The following PAM variants were observed in gnomAD, a reference collection of about 807,000 sequenced individuals.
The protein encoded by PAM is peptidylglycine alpha-amidating monooxygenase.
A neutral mutation model predicts 122.1 loss-of-function variants in PAM; 72 were observed. That is an observed-to-expected ratio of 0.59 (90% CI 0.49 to 0.72). The LOEUF is 0.72. Ranked by LOEUF, PAM falls within the 30% of genes least tolerant of loss-of-function variation. PAM has a pLI of 0.00. For synonymous variants in PAM, 389 were observed against 404.4 expected (o/e 0.96, Z 0.46); for missense variants, 1,106 against 1,183.7 (o/e 0.93, Z 0.96).
At chr5:102,988,193 C>CA (rs1562148973) in intron 15 of PAM, among the ~76,000 whole-genome samples, 1 of 152,160 alleles carries the variant, frequency 6.6e-6, no homozygotes, top group Non-Finnish European at 1.5e-5. Context: ...CAATTATAAA[C>CA]ATCCTCACTT....
intron 15 of PAM, among the ~76,000 whole-genome samples, chr5:102,986,286 T>G (rs2150697207): frequency 6.6e-6 from 1 of 152,174 alleles, no homozygotes; most frequent in Non-Finnish European, 1.5e-5. Flanking sequence ...AAAGAGGAAG[T>G]CAGATTAGTC....
rs931166294 is a variant in PAM, at chr5:102,864,189, T to A, written c.-373-1634T>A. On this transcript the variant is annotated intron_variant, in intron 1 of 25. Transcript: ENST00000438793. The stretch of plus-strand genomic sequence containing the variant: ...ATATATATATATATATATATATTTT[T>A]TTTTTTTTTAAAGAACTTCAGGGAA... Among the ~76,000 whole-genome samples, 225 of 145,588 alleles carry A rather than the reference T, an allele frequency of 1.5e-3. 2 individuals carry two copies. The highest frequency in any genetic ancestry group is 4.6e-3 in the African/African-American group (187 of 40,470).
At chr5:103,025,064 G>C in intron 23 of PAM, 67 bp from the exon 24 acceptor site, 1 of 1,061,790 alleles carries the variant, frequency 9.4e-7, no homozygotes, top group Non-Finnish European at 1.4e-6. Context: ...TGACTGGGTA[G>C]GGGTGGGTAA....
At chr5:102,885,552 T>C (rs1792781970) in intron 3 of PAM, among the ~76,000 whole-genome samples, 1 of 151,916 alleles carries the variant, frequency 6.6e-6, no homozygotes, top group African/African-American at 2.4e-5. Flanking sequence ...GTGACCTTAG[T>C]GGGGTCAAAC....
rs540906608 is a variant in PAM, at chr5:102,854,524, G to A, written c.-373-11299G>A. Among the ~76,000 whole-genome samples the A allele has an allele frequency of 8.5e-5, 13 of 152,248 alleles. No individual in the cohort carries two copies. In the East Asian group the frequency reaches 1.9e-3, roughly 23 times the overall value. ...AATAAGATCAACTGGGTGTGCTTGG[G>A]CTTCACTTCCTTGATACTCCTGGAA... On this transcript the variant is annotated intron_variant, in intron 1 of 25. Transcript: ENST00000438793.
intron 1 of PAM, among the ~76,000 whole-genome samples, chr5:102,825,481 C>T (rs188014259): frequency 1.3e-5 from 2 of 152,212 alleles, no homozygotes; most frequent in East Asian, 3.9e-4. Context: ...TATCAAATGC[C>T]AGATTTTAAT....
rs1277641789 is a variant in PAM, at chr5:102,986,102, C to T, written c.1484-4170C>T. On this transcript the variant is annotated intron_variant, in intron 15 of 25. Transcript: ENST00000438793. ...ATATACTTCTACATAATAAAGTCCC[C>T]GTAGAGCAAACCCATGGCTGACATA... 2.6e-5 allele frequency among the ~76,000 whole-genome samples: 4 copies of T among 152,064 alleles called. No individual in the cohort carries two copies. The East Asian group carries it at 7.7e-4, about 29-fold the overall frequency.
intron 16 of PAM, among the ~76,000 whole-genome samples, chr5:102,995,865 T>C (rs185984624): frequency 6.6e-5 from 10 of 152,168 alleles, no homozygotes; most frequent in Admixed American, 6.5e-4. Context: ...TTAAGTTATA[T>C]TCCATCGAGA....
At chr5:103,011,056 G>T (rs555156674) in intron 21 of PAM, among the ~76,000 whole-genome samples, 1 of 151,762 alleles carries the variant, frequency 6.6e-6, no homozygotes, top group Non-Finnish European at 1.5e-5. Flanking sequence ...CTATTTTCTT[G>T]TTATAACTTA....
intron 3 of PAM, among the ~76,000 whole-genome samples, chr5:102,871,246 CTGAG>C (rs1382543136): frequency 6.6e-6 from 1 of 152,136 alleles, no homozygotes; most frequent in Non-Finnish European, 1.5e-5. Flanking sequence ...GTTCTGAAGA[CTGAG>C]TGACATAATG....
rs749181365 is a variant in PAM at position 103,025,361 on chromosome 5, G to A, written c.2689+27G>A. 7.7e-6 allele frequency: 12 copies of A among 1,566,514 alleles called. 1 individual carries two copies. The South Asian group carries it at 1.3e-4, about 17-fold the overall frequency. On this transcript the variant is annotated intron_variant, in intron 24 of 25. Coordinates refer to ENST00000438793, the MANE Select transcript of PAM (RefSeq NM_001177306.2). ...CAAGTAAAATGAGCCCCGTGAACTT[G>A]GAACCTGCCTTTGAAAGAGTGTTTG...
intron 1 of PAM, among the ~76,000 whole-genome samples, chr5:102,790,237 C>T (rs1218024065): frequency 2.0e-5 from 3 of 151,884 alleles, no homozygotes; most frequent in African/African-American, 4.8e-5. Context: ...ATGTCCTGTC[C>T]GACATAGGAG....
intron 4 of PAM, among the ~76,000 whole-genome samples, chr5:102,910,748 A>G (rs191200201): frequency 6.6e-6 from 1 of 151,894 alleles, no homozygotes; most frequent in East Asian, 1.9e-4. Flanking sequence ...AGTTGTTTCC[A>G]TTATTATCCT....
chr5:102,763,076 C>G (rs946607811), intron 1 of PAM, among the ~76,000 whole-genome samples: 1 of 152,260 alleles, frequency 6.6e-6, no homozygotes, highest in East Asian at 1.9e-4. Flanking sequence ...GTCATAACTA[C>G]CTGGTGTCAG....
intron 3 of PAM, among the ~76,000 whole-genome samples, chr5:102,878,622 A>G (rs1327544668): frequency 6.6e-6 from 1 of 152,196 alleles, no homozygotes; most frequent in Non-Finnish European, 1.5e-5. Flanking sequence ...AACACCTTCC[A>G]GGAGGACAGG....
chr5:102,931,953 T>C (rs1159651515), intron 7 of PAM, among the ~76,000 whole-genome samples: 1 of 152,136 alleles, frequency 6.6e-6, no homozygotes, highest in Non-Finnish European at 1.5e-5. Context: ...AGTGGGTGTT[T>C]AATATTTACA....
Position 102,990,340 on chromosome 5 carries a change from G to A in PAM, c.1552G>A (p.Ala518Thr), listed in dbSNP as rs751002194. ...YLLPGQVSGV[A>T]LDPKNNLVIF... ...GTTACCAGGCCAGGTTTCTGGGGTG[G>A]CTCTAGACCCTAAGAATAACCTGGT... Residue 518 changes from alanine to threonine, a missense_variant, in exon 16 of 26, where the codon GCT (alanine) becomes ACT (threonine). Ala to Thr is a moderately conservative substitution (Grantham distance 58, BLOSUM62 0). Coordinates refer to ENST00000438793, the MANE Select transcript of PAM (RefSeq NM_001177306.2). 6.2e-7 allele frequency: 1 copy of A among 1,609,444 alleles called. No individual in the cohort carries two copies. Among genetic ancestry groups the A allele is most frequent in the East Asian group, 2.2e-5 (1 of 44,782 alleles).
At chr5:102,791,353 A>G (rs1333879991) in intron 1 of PAM, among the ~76,000 whole-genome samples, 1 of 152,072 alleles carries the variant, frequency 6.6e-6, no homozygotes, top group Admixed American at 6.6e-5. Flanking sequence ...GTATGAGAAC[A>G]CCCATTTCCC....
chr5:102,924,859 G>A, intron 5 of PAM, 98 bp from the exon 6 acceptor site: 1 of 708,868 alleles, frequency 1.4e-6, no homozygotes. Context: ...GATGTACTTT[G>A]GTTTCAAATA....
Sources: allele counts gnomAD v4.1 joint callset (sites outside exome capture counted in the v4.1 genomes callset), GRCh38; gene constraint gnomAD v4.1.1; transcripts MANE v1.5; gene names NCBI Gene and HGNC (gene_info 2026-07-23, HGNC 2026-07-21).